Variants in HCN1 observed in about 807,000 individuals in gnomAD.
HCN1 encodes the protein hyperpolarization activated cyclic nucleotide gated potassium channel 1, also known as potassium/sodium hyperpolarization-activated cyclic nucleotide-gated channel 1.
Under a neutral mutation model 78.9 loss-of-function variants are expected in HCN1, and 13 were observed. The ratio of observed to expected loss-of-function variants is 0.16; its 90% CI spans 0.11 to 0.26. HCN1 has a LOEUF of 0.26. Among genes scored for constraint, HCN1 ranks in the 10% least tolerant of loss-of-function variants. The pLI is 1.00. For synonymous variants in HCN1, 552 were observed against 455.5 expected, an observed-to-expected ratio of 1.21 and a Z score of -2.70; for missense variants, 810 against 1,154.3, an observed-to-expected ratio of 0.70 and a Z score of 4.32.
chr5:45,372,828 T>C (rs1437777539), intron 4 of HCN1, among the ~76,000 whole-genome samples: 2 of 141,508 alleles, frequency 1.4e-5, no homozygotes, highest in Non-Finnish European at 3.0e-5. Flanking sequence ...ATGTACGTAT[T>C]CTATACAGAA....
At chr5:45,454,660 C>G (rs1264808955) in intron 3 of HCN1, among the ~76,000 whole-genome samples, 1 of 151,806 alleles carries the variant, frequency 6.6e-6, no homozygotes, top group Non-Finnish European at 1.5e-5. Flanking sequence ...GATTTTTTAG[C>G]TCATTTCTTC....
chr5:45,427,891 GT>G (rs1740384142), intron 3 of HCN1, among the ~76,000 whole-genome samples: 1 of 152,048 alleles, frequency 6.6e-6, no homozygotes, highest in Admixed American at 6.6e-5. Context: ...TATGAAGATA[GT>G]TTTTTCATTA....
chr5:45,633,508 G>A (rs944202092), intron 2 of HCN1, among the ~76,000 whole-genome samples: 12 of 151,812 alleles, frequency 7.9e-5, no homozygotes, highest in Non-Finnish European at 1.2e-4. Flanking sequence ...AGCCATTCTC[G>A]AAATATTCTA....
intron 2 of HCN1, among the ~76,000 whole-genome samples, chr5:45,490,998 T>A (rs1741871293): frequency 6.6e-6 from 1 of 152,116 alleles, no homozygotes; most frequent in Non-Finnish European, 1.5e-5. Context: ...TTGCCCACCT[T>A]AACCATACAT....
At chr5:45,354,669 G>C (rs1420703453) in intron 4 of HCN1, among the ~76,000 whole-genome samples, 1 of 151,874 alleles carries the variant, frequency 6.6e-6, no homozygotes, top group Non-Finnish European at 1.5e-5. Context: ...TTGAACATTA[G>C]TACCCTCAAA....
chr5:45,648,010 T>C (rs1745584089), intron 1 of HCN1, among the ~76,000 whole-genome samples: 1 of 152,154 alleles, frequency 6.6e-6, no homozygotes, highest in African/African-American at 2.4e-5. Flanking sequence ...TTACATTTTC[T>C]AACCTGTTCA....
intron 2 of HCN1, among the ~76,000 whole-genome samples, chr5:45,538,342 T>C (rs1298716319): frequency 6.6e-6 from 1 of 152,200 alleles, no homozygotes; most frequent in Non-Finnish European, 1.5e-5. Context: ...ATATCCTCTC[T>C]ATCCAATCAT....
intron 2 of HCN1, among the ~76,000 whole-genome samples, chr5:45,631,297 T>C (rs144383477): frequency 6.6e-6 from 1 of 152,270 alleles, no homozygotes; most frequent in African/African-American, 2.4e-5. Context: ...TGAGGCCATG[T>C]GACATTTTGG....
At chr5:45,270,279 T>C (rs1027416954) in intron 6 of HCN1, among the ~76,000 whole-genome samples, 3 of 152,226 alleles carry the variant, frequency 2.0e-5, no homozygotes, top group Non-Finnish European at 2.9e-5. Flanking sequence ...TAACTTACTT[T>C]CTCTGGCATT....
In HCN1 at chr5:45,363,845, G is replaced by T. The variant is rs1747175571; in HGVS notation, c.1231-10599C>A. On this transcript the variant is annotated intron_variant, in intron 4 of 7. Coordinates refer to ENST00000303230, the MANE Select transcript of HCN1 (RefSeq NM_021072.4). ...CTGCCATGATTCTGAAGCCTTCTCA[G>T]CCATGTGGAACTGTAAGTCCAATTA... is the stretch of plus-strand genomic sequence containing the variant. Among the ~76,000 whole-genome samples, 4 of 151,938 alleles carry T rather than the reference G, an allele frequency of 2.6e-5. No individual in the cohort carries two copies. The South Asian group carries it at 8.3e-4, about 32-fold the overall frequency.
rs772669067 is a variant in HCN1, at chr5:45,303,682, A to AT, written c.1534dup (p.Met512AsnfsTer17). On this transcript the variant is annotated frameshift_variant, in exon 6 of 8. Transcript: ENST00000303230. LOFTEE classifies it high-confidence loss of function. ...AGCAACACCGTGTTGAATGAAATAC[A>AT]TTTTTTTACCCACGGCTCCTTCTCG... 6.2e-7 allele frequency: 1 copy of AT among 1,613,524 alleles called. No individual in the cohort carries two copies. Among genetic ancestry groups the AT allele is most frequent in the Non-Finnish European group, 8.5e-7 (1 of 1,179,722 alleles).
chr5:45,271,395 C>CAT (rs1202430436), intron 6 of HCN1, among the ~76,000 whole-genome samples: 1 of 151,652 alleles, frequency 6.6e-6, no homozygotes, highest in African/African-American at 2.4e-5. Flanking sequence ...CACACACACA[C>CAT]ACACACAGAC....
intron 5 of HCN1, among the ~76,000 whole-genome samples, chr5:45,350,181 C>A (rs907177072): frequency 6.6e-6 from 1 of 152,160 alleles, no homozygotes; most frequent in African/African-American, 2.4e-5. Flanking sequence ...CCACCGCGAT[C>A]AAGTGGGCTT....
At chr5:45,421,991 C>A (rs1740238458) in intron 3 of HCN1, among the ~76,000 whole-genome samples, 1 of 152,196 alleles carries the variant, frequency 6.6e-6, no homozygotes, top group Non-Finnish European at 1.5e-5. Flanking sequence ...GAAGGTCACT[C>A]TCTGATCTTT....
intron 5 of HCN1, among the ~76,000 whole-genome samples, chr5:45,304,568 C>G (rs978177631): frequency 6.6e-6 from 1 of 151,986 alleles, no homozygotes; most frequent in Admixed American, 6.6e-5. Context: ...CCCAGCTACT[C>G]GGGAGGCTGA....
rs181954665 is a variant in HCN1 at position 45,612,978 on chromosome 5, A to G, written c.849+32207T>C. On this transcript the variant is annotated intron_variant, in intron 2 of 7. Transcript: ENST00000303230. ...ATGATTTTCAAATAGTTAATTATTTACAATACAAACGTTGGAGGAAGGAAT... is the reference window on the plus strand; with the variant it reads ...ATGATTTTCAAATAGTTAATTATTTGCAATACAAACGTTGGAGGAAGGAAT... Among the ~76,000 whole-genome samples, 48 of 152,348 alleles carry G rather than the reference A, an allele frequency of 3.2e-4. 1 individual carries two copies. The East Asian group carries it at 7.1e-3, about 23-fold the overall frequency.
chr5:45,487,112 A>G (rs1001636106), intron 2 of HCN1, among the ~76,000 whole-genome samples: 2 of 152,138 alleles, frequency 1.3e-5, no homozygotes, highest in African/African-American at 2.4e-5. Context: ...AACTTTGAAC[A>G]GTCCTCTGTA....
At chr5:45,495,645 G>T (rs1054011727) in intron 2 of HCN1, among the ~76,000 whole-genome samples, 1 of 152,174 alleles carries the variant, frequency 6.6e-6, no homozygotes, top group Non-Finnish European at 1.5e-5. Context: ...ATGTTGAATA[G>T]GAGTGGTGAG....
intron 2 of HCN1, among the ~76,000 whole-genome samples, chr5:45,608,357 ATG>A (rs397970171): frequency 0.031 from 4,348 of 140,104 alleles, 96 homozygotes; most frequent in African/African-American, 0.066. Flanking sequence ...GGATGGGTGT[ATG>A]TGTGTGTGTG....
Sources: allele counts gnomAD v4.1 joint callset (sites outside exome capture counted in the v4.1 genomes callset), GRCh38; gene constraint gnomAD v4.1.1; transcripts MANE v1.5; gene names NCBI Gene and HGNC (gene_info 2026-07-23, HGNC 2026-07-21).